CLVS1: variants seen among roughly 807,000 people sequenced by gnomAD.
CLVS1 encodes the protein clavesin 1.
Under a neutral mutation model 33.1 loss-of-function variants are expected in CLVS1, and 10 were observed. That is an observed-to-expected ratio of 0.30 (90% confidence interval 0.19 to 0.51). The LOEUF (loss-of-function observed/expected upper bound fraction) is 0.51. CLVS1 is among the 20% of genes least tolerant of loss of function. The pLI, the probability that CLVS1 is intolerant of heterozygous loss-of-function variation, is 0.97. For synonymous variants in CLVS1, 163 were observed against 166.1 expected, an observed-to-expected ratio of 0.98 and a Z score of 0.14; for missense variants, 343 against 433.4, an observed-to-expected ratio of 0.79 and a Z score of 1.85.
chr8:61,395,609 TA>T (rs1814495445), intron 3 of CLVS1, among the ~76,000 whole-genome samples: 1 of 151,840 alleles, frequency 6.6e-6, no homozygotes, highest in African/African-American at 2.4e-5. Context: ...AACAAATGAA[TA>T]AAAAATAAAT....
chr8:61,277,064 C>T (rs1269357123), intron 2 of CLVS1, among the ~76,000 whole-genome samples: 2 of 152,178 alleles, frequency 1.3e-5, no homozygotes, highest in African/African-American at 4.8e-5. Context: ...TTTTGACCTA[C>T]TCAGTCTGAT....
chr8:61,064,938 G>A (rs1804649047), intron 1 of CLVS1, among the ~76,000 whole-genome samples: 1 of 152,204 alleles, frequency 6.6e-6, no homozygotes, highest in South Asian at 2.1e-4. Context: ...CCTGACCTCA[G>A]GTGATCCGCA....
chr8:61,003,981 T>C, the CLVS1 span, among the ~76,000 whole-genome samples: 1 of 152,062 alleles, frequency 6.6e-6, no homozygotes, highest in Admixed American at 6.6e-5. Context: ...TGAGCCTCAT[T>C]TGAGGGGGTG....
chr8:61,322,297 C>A (rs1318094057), intron 2 of CLVS1, among the ~76,000 whole-genome samples: 1 of 152,138 alleles, frequency 6.6e-6, no homozygotes, highest in Non-Finnish European at 1.5e-5. Flanking sequence ...TATGGTAGAT[C>A]CCTTTGGAGA....
At position 61,139,722 on chromosome 8, in the gene CLVS1, C is replaced by CTG. The variant is rs1261929246; in HGVS notation, c.-152+7862_-152+7863insTG. On this transcript the variant is annotated intron_variant, in intron 2 of 2. Coordinates refer to the CLVS1 transcript ENST00000522621. ...CGTGCTTCCCCTCGGTGGTCGGGGTCCGCTTCCGCGTCGGTTCTGTTTATC... is the reference window on the plus strand; with the variant it reads ...CGTGCTTCCCCTCGGTGGTCGGGGTCTGCGCTTCCGCGTCGGTTCTGTTTATC... 4.6e-5 allele frequency among the ~76,000 whole-genome samples: 7 copies of CTG among 151,894 alleles called. No homozygotes were observed. In the East Asian group the frequency reaches 1.4e-3, roughly 30 times the overall value.
At chr8:61,344,007 T>A (rs1812116097) in intron 2 of CLVS1, among the ~76,000 whole-genome samples, 2 of 152,168 alleles carry the variant, frequency 1.3e-5, no homozygotes, top group Admixed American at 6.5e-5. Context: ...TAAAATAGAA[T>A]ATGGTCCTAT....
At chr8:61,387,367 G>A (rs149916807) in intron 3 of CLVS1, among the ~76,000 whole-genome samples, 2 of 151,994 alleles carry the variant, frequency 1.3e-5, no homozygotes, top group East Asian at 3.9e-4. Context: ...AGGCTGGGTG[G>A]CTGAGCAAGA....
At chr8:61,208,740 A>G (rs1355555004) in intron 2 of CLVS1, among the ~76,000 whole-genome samples, 1 of 152,164 alleles carries the variant, frequency 6.6e-6, no homozygotes, top group Non-Finnish European at 1.5e-5. Context: ...GGCACGCGCC[A>G]CCACGCCCAG....
chr8:61,226,273 C>G (rs1808327920), intron 2 of CLVS1, among the ~76,000 whole-genome samples: 1 of 152,186 alleles, frequency 6.6e-6, no homozygotes, highest in Non-Finnish European at 1.5e-5. Flanking sequence ...CCTACTGGCT[C>G]TTTTCAAGAT....
intron 1 of CLVS1, among the ~76,000 whole-genome samples, chr8:61,129,119 C>G (rs1277770372): frequency 2.0e-5 from 3 of 152,234 alleles, no homozygotes; most frequent in Non-Finnish European, 2.9e-5. Context: ...TTCACTGTTG[C>G]AAGGTACACC....
chr8:61,103,214 C>T (rs1210194382), intron 1 of CLVS1, among the ~76,000 whole-genome samples: 1 of 152,188 alleles, frequency 6.6e-6, no homozygotes, highest in Non-Finnish European at 1.5e-5. Flanking sequence ...GTTTGAGTTG[C>T]TGCTCTTCCT....
chr8:61,061,025 C>A (rs576298106), intron 1 of CLVS1, among the ~76,000 whole-genome samples: 34 of 152,274 alleles, frequency 2.2e-4, no homozygotes, highest in African/African-American at 7.9e-4. Context: ...ACTTGATGAC[C>A]AGACTCTGTT....
At chr8:61,266,092 C>G (rs958806136) in intron 2 of CLVS1, among the ~76,000 whole-genome samples, 1 of 152,046 alleles carries the variant, frequency 6.6e-6, no homozygotes, top group African/African-American at 2.4e-5. Context: ...GTTGCTATGT[C>G]CTGACAATGT....
the CLVS1 span, chr8:60,967,521 C>T: frequency 2.6e-6 from 1 of 389,886 alleles, no homozygotes; most frequent in Non-Finnish European, 5.1e-6. Context: ...CAGACCCCAG[C>T]AGAAGGGGAC....
chr8:61,359,833 G>A (rs958819150), intron 2 of CLVS1, among the ~76,000 whole-genome samples: 1 of 152,088 alleles, frequency 6.6e-6, no homozygotes, highest in Non-Finnish European at 1.5e-5. Flanking sequence ...TTTTGCAGAT[G>A]AGTAGCAAAC....
intron 1 of CLVS1, among the ~76,000 whole-genome samples, chr8:61,110,603 A>C (rs1041897924): frequency 6.6e-6 from 1 of 152,224 alleles, no homozygotes; most frequent in Non-Finnish European, 1.5e-5. Context: ...GATCAGTAGT[A>C]AGTATATTCA....
chr8:61,454,076 C>T, intron 3 of CLVS1, 65 bp from the exon 4 acceptor site: 1 of 1,113,078 alleles, frequency 9.0e-7, no homozygotes, highest in Non-Finnish European at 1.4e-6. Flanking sequence ...GGGCATTGGT[C>T]CTGCTGGTCC....
At chr8:61,229,557 G>A (rs1361842565) in intron 2 of CLVS1, among the ~76,000 whole-genome samples, 1 of 152,208 alleles carries the variant, frequency 6.6e-6, no homozygotes, top group African/African-American at 2.4e-5. Flanking sequence ...TTGGCAGAGG[G>A]AGAGTTCTCT....
At chr8:61,381,565 G>T (rs911913231) in intron 3 of CLVS1, among the ~76,000 whole-genome samples, 1 of 152,124 alleles carries the variant, frequency 6.6e-6, no homozygotes, top group Non-Finnish European at 1.5e-5. Context: ...TCAATAGGTA[G>T]TTTTTTGTTC....
Sources: gnomAD v4.1 joint callset for allele counts (sites outside exome capture counted in the v4.1 genomes callset) on GRCh38, gnomAD v4.1.1 for gene constraint, MANE v1.5 for transcripts, NCBI Gene and HGNC (gene_info 2026-07-23, HGNC 2026-07-21) for gene names.